Variants in POF1B observed in about 807,000 individuals in gnomAD.
POF1B encodes the protein protein POF1B.
A neutral mutation model predicts 55.3 loss-of-function variants in POF1B; 53 were observed. That is an observed-to-expected ratio of 0.96 (90% confidence interval 0.77 to 1.20). POF1B has a LOEUF of 1.20. Among genes scored for constraint, POF1B ranks in the 50% most tolerant of loss-of-function variants. The probability of loss-of-function intolerance (pLI) is 0.00; values close to 1 mark genes in which losing one functional copy is unlikely to be tolerated. For synonymous variants in POF1B, 188 were observed against 148.3 expected, an observed-to-expected ratio of 1.27 and a Z score of -1.95; for missense variants, 478 against 420.5, an observed-to-expected ratio of 1.14 and a Z score of -1.20.
intron 7 of POF1B, among the ~76,000 whole-genome samples, chrX:85,321,158 A>G (rs1359942808): frequency 1.8e-5 from 2 of 111,923 alleles, no homozygotes; most frequent in African/African-American, 6.5e-5. Flanking sequence ...ATTTTAGACC[A>G]ATATCCTTGA....
At chrX:85,324,871 T>C (rs767149874) in intron 7 of POF1B, among the ~76,000 whole-genome samples, 1 of 112,378 alleles carries the variant, frequency 8.9e-6, no homozygotes, top group African/African-American at 3.2e-5. Context: ...TAGGACTTCT[T>C]GTAAGGTATG....
intron 7 of POF1B, among the ~76,000 whole-genome samples, chrX:85,316,836 A>G (rs1333535505): frequency 2.7e-5 from 3 of 110,468 alleles, no homozygotes; most frequent in African/African-American, 9.9e-5. Context: ...TAATAAGCAC[A>G]GTAACCAATA....
chrX:85,325,124 T>C (rs1392872052), intron 7 of POF1B, among the ~76,000 whole-genome samples: 1 of 111,812 alleles, frequency 8.9e-6, no homozygotes, highest in East Asian at 2.8e-4. Flanking sequence ...GACTTTTACA[T>C]TTTTTCTTTC....
chrX:85,328,526 C>T (rs1177008625), intron 7 of POF1B, among the ~76,000 whole-genome samples: 1 of 111,122 alleles, frequency 9.0e-6, no homozygotes, highest in Non-Finnish European at 1.9e-5. Flanking sequence ...TGATATTACA[C>T]ATCTAGTGTT....
intron 15 of POF1B, among the ~76,000 whole-genome samples, chrX:85,289,624 C>G (rs1461429456): frequency 1.1e-4 from 12 of 111,314 alleles, no homozygotes; most frequent in Non-Finnish European, 2.3e-4. Flanking sequence ...CCAGTTCAGT[C>G]AGAAGGGAAA....
At chrX:85,333,149 A>C (rs926844249) in intron 6 of POF1B, among the ~76,000 whole-genome samples, 1 of 110,419 alleles carries the variant, frequency 9.1e-6, no homozygotes, top group Non-Finnish European at 1.9e-5. Flanking sequence ...CACACCATAC[A>C]TTCCTGCCTC....
At chrX:85,370,147 T>A (rs763475433) in intron 2 of POF1B, among the ~76,000 whole-genome samples, 2 of 112,142 alleles carry the variant, frequency 1.8e-5, no homozygotes, top group Non-Finnish European at 3.8e-5. Flanking sequence ...ACATCACACA[T>A]CACAGATAAA....
chrX:85,373,686 A>G (rs191644165), intron 2 of POF1B, among the ~76,000 whole-genome samples: 2 of 111,753 alleles, frequency 1.8e-5, no homozygotes, highest in East Asian at 5.6e-4. Context: ...ACAAATAGGA[A>G]TTAAGTAGAC....
At chrX:85,295,588 T>C (rs1412572824) in intron 15 of POF1B, among the ~76,000 whole-genome samples, 1 of 112,008 alleles carries the variant, frequency 8.9e-6, no homozygotes, top group Non-Finnish European at 1.9e-5. Flanking sequence ...GGTCTGAGCA[T>C]ATGCTTGGTA....
intron 7 of POF1B, among the ~76,000 whole-genome samples, chrX:85,320,509 C>A (rs999149126): frequency 6.3e-5 from 7 of 110,767 alleles, no homozygotes; most frequent in Non-Finnish European, 1.3e-4. Context: ...AAAATTGACA[C>A]CGTAACATCA....
At chrX:85,365,986 T>C (rs1933714022) in intron 3 of POF1B, among the ~76,000 whole-genome samples, 2 of 111,215 alleles carry the variant, frequency 1.8e-5, no homozygotes, top group Admixed American at 1.9e-4. Flanking sequence ...ATATCATCCA[T>C]ATAAAGAGAG....
Position 85,322,096 on chromosome X carries a change from T to C in POF1B, c.855-6362A>G, listed in dbSNP as rs1229749566. On this transcript the variant is annotated intron_variant, in intron 7 of 16. Transcript: ENST00000262753. ...TTCACAGAACTGGAAAAAACTACTTTAAAGTTCATAGGGAACCAAAAAAGA... is the reference window on the plus strand; with the variant it reads ...TTCACAGAACTGGAAAAAACTACTTCAAAGTTCATAGGGAACCAAAAAAGA... Among the ~76,000 whole-genome samples, 3 of 111,153 alleles carry C rather than the reference T, an allele frequency of 2.7e-5. No individual in the cohort carries two copies. In the East Asian group the frequency reaches 8.5e-4, roughly 32 times the overall value.
At chrX:85,364,621 G>A (rs1933684876) in intron 3 of POF1B, among the ~76,000 whole-genome samples, 1 of 111,571 alleles carries the variant, frequency 9.0e-6, no homozygotes, top group South Asian at 3.8e-4. Context: ...GAGGTCCACT[G>A]TTAGCCTGAT....
chrX:85,279,766 A>G lies in POF1B; in HGVS notation c.1765-340T>C, dbSNP rs749132991. ...CATTTAAATATATTCTGACCTTGCT[A>G]TCAGTATCTATAGATTCTTCAAATA... On this transcript the variant is annotated intron_variant, in intron 16 of 16. Transcript: ENST00000262753. 5.4e-5 allele frequency among the ~76,000 whole-genome samples: 6 copies of G among 111,318 alleles called. No homozygotes were observed. In the South Asian group the frequency reaches 1.8e-3, roughly 34 times the overall value.
chrX:85,325,811 C>T (rs1932890658), intron 7 of POF1B, among the ~76,000 whole-genome samples: 1 of 111,531 alleles, frequency 9.0e-6, no homozygotes, highest in Admixed American at 9.5e-5. Context: ...GGCTGATGTT[C>T]CTTCAATCTT....
chrX:85,379,576 A>C, intron 1 of POF1B, 63 bp downstream of exon 1: 2 of 717,114 alleles, frequency 2.8e-6, no homozygotes, highest in Non-Finnish European at 4.0e-6. Flanking sequence ...CACACGACAC[A>C]CGTGTGGAAA....
intron 15 of POF1B, among the ~76,000 whole-genome samples, chrX:85,302,174 T>C (rs1289690795): frequency 9.0e-6 from 1 of 111,344 alleles, no homozygotes; most frequent in Non-Finnish European, 1.9e-5. Context: ...ACCCATGGAA[T>C]TGATGAAAAT....
At chrX:85,356,069 T>A (rs1474722096) in intron 4 of POF1B, among the ~76,000 whole-genome samples, 8 of 111,242 alleles carry the variant, frequency 7.2e-5, no homozygotes, top group African/African-American at 2.6e-4. Context: ...CAAATGTCCA[T>A]CAATGATAGA....
chrX:85,369,378 A>G (rs756313472), intron 2 of POF1B, among the ~76,000 whole-genome samples: 2 of 111,300 alleles, frequency 1.8e-5, no homozygotes, highest in Non-Finnish European at 3.8e-5. Context: ...TTATGGAATA[A>G]CACATGAACA....
Sources: allele counts gnomAD v4.1 joint callset (sites outside exome capture counted in the v4.1 genomes callset), GRCh38; gene constraint gnomAD v4.1.1; transcripts MANE v1.5; gene names NCBI Gene and HGNC (gene_info 2026-07-23, HGNC 2026-07-21).